PCOLCE2: variants seen among roughly 807,000 people sequenced by gnomAD.
PCOLCE2 encodes procollagen C-proteinase enhancer 2.
In PCOLCE2, 42 loss-of-function variants were observed where a neutral mutation model predicts 47.0. That is an observed-to-expected ratio of 0.89 (90% CI 0.70 to 1.16). PCOLCE2 has a LOEUF of 1.16. Ranked by LOEUF, PCOLCE2 falls within the 50% of genes most tolerant of loss-of-function variation. The probability of loss-of-function intolerance (pLI) is 0.00; values close to 1 mark genes in which losing one functional copy is unlikely to be tolerated. For missense variants in PCOLCE2, 500 were observed against 526.1 expected (o/e 0.95, Z 0.49); for synonymous variants, 169 against 191.7 (o/e 0.88, Z 0.98).
chr3:142,818,552 G>A, intron 8 of PCOLCE2, 87 bp from the exon 9 acceptor site: 3 of 981,748 alleles, frequency 3.1e-6, no homozygotes, highest in Non-Finnish European at 4.9e-6. Flanking sequence ...CTAGATAAAT[G>A]TTCTCTTCTG....
intron 5 of PCOLCE2, among the ~76,000 whole-genome samples, chr3:142,835,173 A>C (rs1036200984): frequency 2.6e-5 from 4 of 152,194 alleles, no homozygotes; most frequent in Non-Finnish European, 5.9e-5. Flanking sequence ...TTATTGAAAG[A>C]GATGTGTTAA....
At chr3:142,874,390 A>G (rs1485517299) in intron 2 of PCOLCE2, among the ~76,000 whole-genome samples, 2 of 152,074 alleles carry the variant, frequency 1.3e-5, no homozygotes, top group Non-Finnish European at 2.9e-5. Context: ...ATGGTTTTAA[A>G]TGTGGCACAC....
rs142220205 is a variant in PCOLCE2 at position 142,863,537 on chromosome 3, T to G, written c.193-15065A>C. Among the ~76,000 whole-genome samples, 919 of 152,188 alleles carry G rather than the reference T, an allele frequency of 6.0e-3. 10 individuals are homozygous for G. The highest frequency in any genetic ancestry group is 0.02 in the Middle Eastern group (6 of 294). ...AAAACTTTTACAAGAGAAAACAACG[T>G]CTGAGGCCACAGACGACTGTCTTAC... On this transcript the variant is annotated intron_variant, in intron 2 of 8. Transcript: ENST00000295992.
At chr3:142,871,063 C>T (rs569945825) in intron 2 of PCOLCE2, among the ~76,000 whole-genome samples, 2 of 152,348 alleles carry the variant, frequency 1.3e-5, no homozygotes, top group Admixed American at 6.5e-5. Flanking sequence ...AAAGCCGCTC[C>T]ACCTCTGTCT....
intron 2 of PCOLCE2, among the ~76,000 whole-genome samples, chr3:142,851,925 T>C (rs907571959): frequency 6.6e-6 from 1 of 152,152 alleles, no homozygotes; most frequent in Non-Finnish European, 1.5e-5. Context: ...TCATTCCCAA[T>C]AAAATAAATC....
At chr3:142,887,161 C>T (rs747326051) in intron 2 of PCOLCE2, 1 of 152,262 alleles carries the variant, frequency 6.6e-6, no homozygotes, top group African/African-American at 2.4e-5. Flanking sequence ...TTCCCACCCC[C>T]CCATTCTCTA....
chr3:142,875,754 C>T (rs893302547), intron 2 of PCOLCE2, among the ~76,000 whole-genome samples: 6 of 152,096 alleles, frequency 3.9e-5, no homozygotes, highest in African/African-American at 1.4e-4. Context: ...AGTTCTGGCA[C>T]CCAGAACCCA....
intron 6 of PCOLCE2, chr3:142,827,144 C>T: frequency 6.9e-7 from 1 of 1,446,016 alleles, no homozygotes; most frequent in South Asian, 1.1e-5. Context: ...GACGTCCAGT[C>T]TGGCGGGCAG....
At chr3:142,877,207 G>A (rs755287840) in intron 2 of PCOLCE2, among the ~76,000 whole-genome samples, 20 of 152,192 alleles carry the variant, frequency 1.3e-4, no homozygotes, top group Non-Finnish European at 2.6e-4. Context: ...AGTCTTAACG[G>A]TTATGGAATG....
chr3:142,827,265 CA>C, intron 6 of PCOLCE2: 1 of 1,252,442 alleles, frequency 8.0e-7, no homozygotes, highest in South Asian at 1.2e-5. Flanking sequence ...TTCATGGCCA[CA>C]TCCCATACTC....
In PCOLCE2 at chr3:142,818,042, G is replaced by A. The variant is rs993657644; in HGVS notation, c.*293C>T. On this transcript the variant is annotated 3_prime_UTR_variant, in exon 9 of 9. Transcript: ENST00000295992. ...CAATTCTAAAATATCCTTTTACAGA[G>A]ATGTATAAATAAACGCTTCCAAGCT... 2.8e-5 allele frequency: 7 copies of A among 250,048 alleles called. No homozygotes were observed. Among genetic ancestry groups the A allele is most frequent in the Non-Finnish European group, 4.7e-5 (6 of 128,094 alleles). The allele number at this position is 250,048 out of a possible 1,614,324, so 15.5% of individuals were successfully genotyped here. A position where few individuals can be genotyped will look rare whatever the true frequency, so the allele number is the denominator to read the frequency against.
intron 4 of PCOLCE2, among the ~76,000 whole-genome samples, chr3:142,841,824 T>C (rs1937266621): frequency 1.3e-5 from 2 of 152,214 alleles, no homozygotes; most frequent in Admixed American, 1.3e-4. Flanking sequence ...ATCATAATGT[T>C]TACCTCATAG....
intron 2 of PCOLCE2, among the ~76,000 whole-genome samples, chr3:142,857,542 C>T (rs1467692853): frequency 1.3e-5 from 2 of 152,022 alleles, no homozygotes; most frequent in Non-Finnish European, 2.9e-5. Flanking sequence ...TTTCTAAAGT[C>T]CTTAAAATGA....
At chr3:142,855,829 A>G (rs1449536609) in intron 2 of PCOLCE2, among the ~76,000 whole-genome samples, 1 of 152,180 alleles carries the variant, frequency 6.6e-6, no homozygotes, top group Non-Finnish European at 1.5e-5. Context: ...ACAGGAGAAG[A>G]GAGAGCTGCC....
intron 6 of PCOLCE2, among the ~76,000 whole-genome samples, chr3:142,828,293 G>A (rs1447746511): frequency 3.3e-5 from 5 of 152,168 alleles, no homozygotes; most frequent in East Asian, 3.9e-4. Context: ...GACACACCAC[G>A]GGAAGGGGTT....
chr3:142,838,837 C>G lies in PCOLCE2; in HGVS notation c.643G>C (p.Val215Leu). 1 of 1,613,388 alleles carries G rather than the reference C, an allele frequency of 6.2e-7. No individual in the cohort carries two copies. The change falls in exon 5 of 9, where the codon GTG (valine) becomes CTG (leucine). Residue 215 changes from valine to leucine, a missense_variant. Transcript: ENST00000295992. ...DNYCRYDYVA[V>L]FNGGEVNDAR... The stretch of plus-strand genomic sequence containing the variant: ...TCGTTGACTTCCCCGCCATTAAACA[C>G]AGCCACATAATCATATCGGCAGTAG...
intron 2 of PCOLCE2, among the ~76,000 whole-genome samples, chr3:142,877,440 A>C (rs1177438695): frequency 6.6e-6 from 1 of 152,220 alleles, no homozygotes; most frequent in Non-Finnish European, 1.5e-5. Flanking sequence ...CACAAACACC[A>C]CACTTCTATT....
intron 1 of PCOLCE2, 24 bp downstream of exon 1, chr3:142,888,790 G>C (rs1419310678): frequency 2.8e-6 from 4 of 1,407,078 alleles, no homozygotes; most frequent in Non-Finnish European, 3.8e-6. Flanking sequence ...GAGAGAAAGG[G>C]AGCCCGGGCA....
Position 142,834,247 on chromosome 3 carries a change from C to A in PCOLCE2, c.711-4401G>T, listed in dbSNP as rs147815260. Among the ~76,000 whole-genome samples the A allele has an allele frequency of 4.6e-5, 7 of 152,338 alleles. No individual in the cohort carries two copies. The East Asian group carries it at 1.4e-3, about 29-fold the overall frequency. On this transcript the variant is annotated intron_variant, in intron 5 of 8. Coordinates refer to ENST00000295992, the MANE Select transcript of PCOLCE2 (RefSeq NM_013363.4). ...AAGCAAGTCTTCCTGCCAGGTTCTTCTCCTTCAGAACTGTCTTACTTTTGC... is the reference window on the plus strand; with the variant it reads ...AAGCAAGTCTTCCTGCCAGGTTCTTATCCTTCAGAACTGTCTTACTTTTGC...
Sources: gnomAD v4.1 joint callset for allele counts (sites outside exome capture counted in the v4.1 genomes callset) on GRCh38, gnomAD v4.1.1 for gene constraint, MANE v1.5 for transcripts, NCBI Gene and HGNC (gene_info 2026-07-23, HGNC 2026-07-21) for gene names.